ZNF239: variants seen among roughly 807,000 people sequenced by gnomAD.
The protein encoded by ZNF239 is zinc finger protein (C2H2) homologous to mouse MOK-2.
In ZNF239, 16 loss-of-function variants were observed where a neutral mutation model predicts 27.5. The observed-to-expected ratio is 0.58, with a 90% CI of 0.39 to 0.88. ZNF239 has a LOEUF of 0.88. Among genes scored for constraint, ZNF239 ranks in the 40% least tolerant of loss-of-function variants. ZNF239 has a pLI of 0.00. For synonymous variants in ZNF239, 199 were observed against 192.6 expected, an observed-to-expected ratio of 1.03 and a Z score of -0.27; for missense variants, 527 against 551.9, an observed-to-expected ratio of 0.95 and a Z score of 0.45.
At chr10:43,568,802 C>T (rs1212502233) in intron 2 of ZNF239, among the ~76,000 whole-genome samples, 1 of 152,138 alleles carries the variant, frequency 6.6e-6, no homozygotes. Flanking sequence ...GTAATCCCAG[C>T]ATTTGGGGAG....
chr10:43,557,605 C>A lies in ZNF239; in HGVS notation c.475G>T (p.Gly159Ter). The stretch of plus-strand genomic sequence containing the variant: ...CAACTGACCACCTGTGATTTCCATC[C>A]ATGAATGTCTTTGCAGTTACAGTCA... ...PIDCNCKDIH[G>*]WKSQVVSCSQ... The change falls in exon 4 of 4, where the codon GGA becomes TGA. Residue 159 changes from glycine (G) to a stop codon, truncating the protein, a stop_gained. Transcript: ENST00000374446. LOFTEE classifies it high-confidence loss of function. 3.1e-6 allele frequency: 5 copies of A among 1,614,186 alleles called. No individual in the cohort carries two copies. The highest frequency in any genetic ancestry group is 4.2e-6 in the Non-Finnish European group (5 of 1,180,044).
At chr10:43,572,114 A>G (rs1170465858) in intron 2 of ZNF239, among the ~76,000 whole-genome samples, 1 of 152,192 alleles carries the variant, frequency 6.6e-6, no homozygotes, top group Admixed American at 6.5e-5. Flanking sequence ...TGTGTGGTAC[A>G]TAGAAAACAC....
Position 43,557,830 on chromosome 10 carries a change from T to C in ZNF239, c.250A>G (p.Asn84Asp), listed in dbSNP as rs191571277. The C allele has an allele frequency of 1.2e-6, 2 of 1,614,248 alleles. No homozygotes were observed. The highest frequency in any genetic ancestry group is 4.5e-5 in the East Asian group (2 of 44,888). ...TQDSSVKFCK[N>D]EPQDHQESRR... ...CTTTCCTGATGATCCTGAGGCTCAT[T>C]CTTACAGAACTTCACTGAAGAGTCT... The change falls in exon 4 of 4, where the codon AAT becomes GAT. Residue 84 changes from asparagine to aspartate, a missense_variant. By Grantham distance (23) the Asn-to-Asp change is conservative (BLOSUM62 1). Coordinates refer to ENST00000374446, the MANE Select transcript of ZNF239 (RefSeq NM_001099282.2).
chr10:43,559,708 T>TA (rs1402192911), intron 3 of ZNF239, among the ~76,000 whole-genome samples: 1 of 152,076 alleles, frequency 6.6e-6, no homozygotes, highest in African/African-American at 2.4e-5. Context: ...CCCCGAGACT[T>TA]AAACAATTAG....
At chr10:43,574,312 C>T (rs559730046) in intron 1 of ZNF239, among the ~76,000 whole-genome samples, 57 of 152,342 alleles carry the variant, frequency 3.7e-4, no homozygotes, top group Middle Eastern at 3.4e-3. Flanking sequence ...TGCAGGGCCC[C>T]ACAGGCTTCG....
intron 3 of ZNF239, among the ~76,000 whole-genome samples, chr10:43,559,437 C>A (rs1042972166): frequency 1.3e-5 from 2 of 152,118 alleles, no homozygotes; most frequent in East Asian, 1.9e-4. Context: ...AGGCACCAAG[C>A]CTGTTCCTTG....
At chr10:43,570,945 TGAAAA>T (rs1159189354) in intron 2 of ZNF239, 1 of 984,848 alleles carries the variant, frequency 1.0e-6, no homozygotes, top group East Asian at 1.1e-4. Flanking sequence ...GTAGACCAAA[TGAAAA>T]GAATCATTGT....
At position 43,557,831 on chromosome 10, in the gene ZNF239, C is replaced by T. The variant is rs895148722; in HGVS notation, c.249G>A (p.Lys83=). The change falls in exon 4 of 4, where the codon AAG becomes AAA. Residue 83 remains lysine, a synonymous_variant. Transcript: ENST00000374446. ...TTTCCTGATGATCCTGAGGCTCATT[C>T]TTACAGAACTTCACTGAAGAGTCTT... is the stretch of plus-strand genomic sequence containing the variant. ...DTQDSSVKFC[K]NEPQDHQESR... 1 of 1,614,104 alleles carries T rather than the reference C, an allele frequency of 6.2e-7. No individual in the cohort carries two copies. Among genetic ancestry groups the T allele is most frequent in the African/African-American group, 1.3e-5 (1 of 74,938 alleles).
intron 2 of ZNF239, among the ~76,000 whole-genome samples, chr10:43,572,450 G>A (rs562920280): frequency 6.6e-6 from 1 of 152,326 alleles, no homozygotes; most frequent in Admixed American, 6.5e-5. Context: ...GCCTTTGCTG[G>A]TAGTGTTAAA....
intron 2 of ZNF239, chr10:43,568,275 G>A: frequency 1.0e-6 from 1 of 985,418 alleles, no homozygotes. Context: ...GAATCTTTCT[G>A]TGTCACTCTC....
chr10:43,564,902 G>A (rs906310175), intron 3 of ZNF239, among the ~76,000 whole-genome samples: 1 of 152,016 alleles, frequency 6.6e-6, no homozygotes, highest in East Asian at 1.9e-4. Flanking sequence ...TGACAAAAGT[G>A]GGACTATAAG....
rs376506817 is a variant in ZNF239, at chr10:43,557,563, G to A, written c.517C>T (p.His173Tyr). The A allele has an allele frequency of 6.2e-7, 1 of 1,614,124 alleles. No homozygotes were observed. The highest frequency in any genetic ancestry group is 1.1e-5 in the South Asian group (1 of 91,080). The change falls in exon 4 of 4, where the codon CAT becomes TAT. Residue 173 changes from histidine to tyrosine, a missense_variant. Transcript: ENST00000374446. ...QVVSCSQQRA[H>Y]TEEKPCDHNN... ...TGGTCACAGGGTTTCTCCTCTGTAT[G>A]AGCTCTCTGCTGACTACAACTGACC... is the stretch of plus-strand genomic sequence containing the variant.
intron 2 of ZNF239, among the ~76,000 whole-genome samples, chr10:43,569,184 A>G (rs920274299): frequency 6.6e-6 from 1 of 151,924 alleles, no homozygotes; most frequent in Non-Finnish European, 1.5e-5. Context: ...CATCTCACCT[A>G]TCACCCACCT....
chr10:43,570,698 A>G, intron 2 of ZNF239: 1 of 908,848 alleles, frequency 1.1e-6, no homozygotes, highest in Non-Finnish European at 1.3e-6. Context: ...CCTCTTTTCC[A>G]TTTCCACTGC....
chr10:43,568,686 T>C (rs1466580696), intron 2 of ZNF239, among the ~76,000 whole-genome samples: 1 of 152,202 alleles, frequency 6.6e-6, no homozygotes, highest in Non-Finnish European at 1.5e-5. Flanking sequence ...CCCTAACCTC[T>C]TACCTCACCT....
Position 43,557,350 on chromosome 10 carries a change from A to C in ZNF239, c.730T>G (p.Phe244Val), listed in dbSNP as rs1836839477. The C allele has an allele frequency of 6.2e-7, 1 of 1,614,212 alleles. No individual in the cohort carries two copies. The highest frequency in any genetic ancestry group is 2.2e-5 in the East Asian group (1 of 44,880). ...PYKCEQCGKG[F>V]TRSSSLLIHQ... Reference sequence around the variant, plus strand: ...ATAAGCAGACTCGAGCTCCTTGTGAAGCCCTTCCCACATTGCTCACATTTG... The same window carrying C: ...ATAAGCAGACTCGAGCTCCTTGTGACGCCCTTCCCACATTGCTCACATTTG... The change falls in exon 4 of 4, where the codon TTC (phenylalanine) becomes GTC (valine). Residue 244 changes from phenylalanine to valine, a missense_variant. Physicochemically the swap from Phe to Val is conservative, Grantham distance 50 (BLOSUM62 -1). Transcript: ENST00000374446.
Position 43,573,747 on chromosome 10 carries a change from G to C in ZNF239, c.-256-70C>G, listed in dbSNP as rs537930431. ...AGTCCAGCAAGACTGCGGGGAAAAAGTTACTCCGCTCCTGCCTCTGACGCT... is the reference window on the plus strand; with the variant it reads ...AGTCCAGCAAGACTGCGGGGAAAAACTTACTCCGCTCCTGCCTCTGACGCT... On this transcript the variant is annotated intron_variant, in intron 1 of 3. Transcript: ENST00000374446. 1.8e-4 allele frequency: 120 copies of C among 665,884 alleles called. No homozygotes were observed. In the African/African-American group the frequency reaches 2.2e-3, roughly 12 times the overall value. 41.2% of individuals were successfully genotyped at this position (665,884 alleles called of 1,614,324 possible).
chr10:43,564,289 A>G, intron 3 of ZNF239: 3 of 984,340 alleles, frequency 3.0e-6, no homozygotes, highest in Non-Finnish European at 3.6e-6. Flanking sequence ...CTGACCGTAT[A>G]GTAACACTCC....
chr10:43,557,437 T>C lies in ZNF239; in HGVS notation c.643A>G (p.Asn215Asp). 1 of 1,614,128 alleles carries C rather than the reference T, an allele frequency of 6.2e-7. No homozygotes were observed. Among genetic ancestry groups the C allele is most frequent in the Non-Finnish European group, 8.5e-7 (1 of 1,179,974 alleles). ...AGTAGCTCTGAGCTTTGACTGAAGT[T>C]CTTACCACACTGACTACATTCGTAT... The part of the protein sequence containing the change: ...KQYECSQCGK[N>D]FSQSSELLLH... The change falls in exon 4 of 4, where the codon AAC (asparagine) becomes GAC (aspartate). Residue 215 changes from asparagine (N) to aspartate (D), a missense_variant. Asn to Asp is a conservative substitution (Grantham distance 23). Transcript: ENST00000374446.
Sources: gnomAD v4.1 joint callset for allele counts (sites outside exome capture counted in the v4.1 genomes callset) on GRCh38, gnomAD v4.1.1 for gene constraint, MANE v1.5 for transcripts, NCBI Gene and HGNC (gene_info 2026-07-23, HGNC 2026-07-21) for gene names.